Variants in EPPK1 observed in about 807,000 individuals in gnomAD.
EPPK1 encodes the protein epiplakin 1.
For missense variants in EPPK1, 3,823 were observed against 3,673.3 expected, an observed-to-expected ratio of 1.04 and a Z score of -1.05; for synonymous variants, 1,862 against 1,721.2, an observed-to-expected ratio of 1.08 and a Z score of -2.03.
Position 143,866,351 on chromosome 8 carries a change from C to T in EPPK1, c.6903G>A (p.Leu2301=). The change falls in exon 2 of 2, where the codon CTG becomes CTA. Residue 2301 remains leucine (L), a synonymous_variant. Transcript: ENST00000615648. ...VVGGEIQEKL[L]SAERAVTGYT... is the part of the protein sequence containing the mutation. The stretch of plus-strand genomic sequence containing the variant: ...AGCCGGTGACGGCGCGCTCGGCCGA[C>T]AGCAGCTTCTCCTGGATCTCGCCGC... The T allele has an allele frequency of 1.4e-6, 1 of 695,558 alleles. No homozygotes were observed. Among genetic ancestry groups the T allele is most frequent in the Non-Finnish European group, 2.2e-6 (1 of 449,174 alleles). The allele number at this position is 695,558 out of a possible 1,614,324, so 43.1% of individuals were successfully genotyped here. A position where few individuals can be genotyped will look rare whatever the true frequency, so the allele number is the denominator to read the frequency against.
rs781972898 is a variant in EPPK1 at position 143,867,998 on chromosome 8, C to T, written c.5256G>A (p.Thr1752=). The T allele has an allele frequency of 3.0e-5, 48 of 1,613,554 alleles. No individual in the cohort carries two copies. The highest frequency in any genetic ancestry group is 1.9e-4 in the African/African-American group (14 of 74,918). Residue 1752 remains threonine (T), a synonymous_variant, in exon 2 of 2, where the codon ACG becomes ACA. Coordinates refer to ENST00000615648, the MANE Select transcript of EPPK1 (RefSeq NM_031308.4). ...TTATGATTTGTAGCAGGTACAGGCC[C>T]GTCTCGGGGTCCTCCACACAGCGCT... is the stretch of plus-strand genomic sequence containing the variant. ...LLERCVEDPE[T]GLYLLQIIKK...
chr8:143,876,200 G>T (rs1387237780), intron 1 of EPPK1, among the ~76,000 whole-genome samples: 1 of 152,196 alleles, frequency 6.6e-6, no homozygotes, highest in Non-Finnish European at 1.5e-5. Flanking sequence ...CAGACAGGGT[G>T]CAGGGACCTG....
Position 143,872,196 on chromosome 8 carries a change from T to G in EPPK1, c.1058A>C (p.His353Pro). Reference sequence around the variant, plus strand: ...CTGCTCGGCCACCAGGAGCTGCTCATGGAGCTCTGGGCTGACCAGGCCCGC... The same window carrying G: ...CTGCTCGGCCACCAGGAGCTGCTCAGGGAGCTCTGGGCTGACCAGGCCCGC... ...VRAGLVSPEL[H>P]EQLLVAEQAV... Residue 353 changes from histidine to proline, a missense_variant, in exon 2 of 2, where the codon CAT becomes CCT. Transcript: ENST00000615648. The G allele has an allele frequency of 6.2e-7, 1 of 1,602,372 alleles. No individual in the cohort carries two copies. The highest frequency in any genetic ancestry group is 8.5e-7 in the Non-Finnish European group (1 of 1,174,788).
At chr8:143,876,486 T>C (rs1407382076) in intron 1 of EPPK1, among the ~76,000 whole-genome samples, 3 of 152,136 alleles carry the variant, frequency 2.0e-5, no homozygotes, top group African/African-American at 7.2e-5. Flanking sequence ...GGGGGGTACA[T>C]GAGACGGCAG....
At chr8:143,879,191 T>A (rs1351352734), upstream of EPPK1, among the ~76,000 whole-genome samples, 5 of 152,152 alleles carry the variant, frequency 3.3e-5, no homozygotes, top group Non-Finnish European at 7.4e-5. Context: ...TCCATGGATC[T>A]TCTGGAGGGC....
chr8:143,868,103 G>C lies in EPPK1; in HGVS notation c.5151C>G (p.Ile1717Met). The C allele has an allele frequency of 6.2e-7, 1 of 1,613,378 alleles. No homozygotes were observed. The highest frequency in any genetic ancestry group is 1.1e-5 in the South Asian group (1 of 91,082). The change falls in exon 2 of 2, where the codon ATC becomes ATG. Residue 1717 changes from isoleucine (I) to methionine (M), a missense_variant. Transcript: ENST00000615648. ...TGGTGTCGTCGCTGGGGTCCGCCAG[G>C]ATGCGGTTCATCTCCTCGTCGAAGT... ...CGYFDEEMNRILADPSDDTKG... is the reference protein window; with the variant it reads ...CGYFDEEMNRMLADPSDDTKG...
intron 1 of EPPK1, among the ~76,000 whole-genome samples, chr8:143,874,690 C>T (rs1819447144): frequency 6.6e-6 from 1 of 152,206 alleles, no homozygotes; most frequent in African/African-American, 2.4e-5. Flanking sequence ...TTCTGCACCC[C>T]TGTGCCCACC....
rs2130590016 is a variant in EPPK1, at chr8:143,857,809, T to C, written c.*178A>G. The C allele has an allele frequency of 1.9e-6, 1 of 527,212 alleles. No homozygotes were observed. The highest frequency in any genetic ancestry group is 3.2e-5 in the East Asian group (1 of 31,652). The allele number at this position is 527,212 out of a possible 1,614,324, so 32.7% of individuals were successfully genotyped here. ...CCAAAAAACTTATGAAACACCTCGATGGACAAAGGAAAAGTTTCTGTCACA... is the reference window on the plus strand; with the variant it reads ...CCAAAAAACTTATGAAACACCTCGACGGACAAAGGAAAAGTTTCTGTCACA... On this transcript the variant is annotated 3_prime_UTR_variant, in exon 2 of 2. Coordinates refer to ENST00000615648, the MANE Select transcript of EPPK1 (RefSeq NM_031308.4).
Position 143,869,558 on chromosome 8 carries a change from G to C in EPPK1, c.3696C>G (p.Val1232=). 6.4e-7 allele frequency: 1 copy of C among 1,559,156 alleles called. No homozygotes were observed. The highest frequency in any genetic ancestry group is 1.2e-5 in the South Asian group (1 of 86,100). ...AGGCCTTCACCGCCGGCTGCTCGGC[G>C]ACCTGGGCGGGCGACTGCGTGCCCT... ...LAQGTQSPAQ[V]AEQPAVKACL... is the part of the protein sequence containing the mutation. The change falls in exon 2 of 2, where the codon GTC becomes GTG. Residue 1232 remains valine, a synonymous_variant. Transcript: ENST00000615648.
chr8:143,871,669 G>C lies in EPPK1; in HGVS notation c.1585C>G (p.Gln529Glu), dbSNP rs781843985. 6.2e-7 allele frequency: 1 copy of C among 1,603,100 alleles called. No individual in the cohort carries two copies. The highest frequency in any genetic ancestry group is 8.5e-7 in the Non-Finnish European group (1 of 1,176,566). ...ISSEQRAMLA[Q>E]QYQEGTLSVE... ...GAGAGGGTCCCTTCCTGGTACTGCT[G>C]GGCCAGCATCGCCCTCTGCTCTGAG... is the stretch of plus-strand genomic sequence containing the variant. The change falls in exon 2 of 2, where the codon CAG (glutamine) becomes GAG (glutamate). Residue 529 changes from glutamine to glutamate, a missense_variant. Gln to Glu is a conservative substitution (Grantham distance 29, BLOSUM62 2). Transcript: ENST00000615648.
Position 143,872,938 on chromosome 8 carries a change from GC to G in EPPK1, c.315del (p.Leu106TrpfsTer3), listed in dbSNP as rs781831326. ...VSKALQQGLV[G>X]LELKEKLLAA... ...GCCAGCAGCTTCTCCTTCAGCTCCA[GC>G]CCCACCAGACCCTGCTGCAGGGCCT... On this transcript the variant is annotated frameshift_variant, in exon 2 of 2. Transcript: ENST00000615648. LOFTEE classifies it low-confidence loss of function (END_TRUNC). 46 of 1,610,332 alleles carry G rather than the reference GC, an allele frequency of 2.9e-5. No homozygotes were observed. The East Asian group carries it at 9.1e-4, about 32-fold the overall frequency.
At chr8:143,874,171 C>T (rs570137799) in intron 1 of EPPK1, among the ~76,000 whole-genome samples, 23 of 152,332 alleles carry the variant, frequency 1.5e-4, no homozygotes, top group Non-Finnish European at 2.9e-4. Context: ...GCATGCCCTG[C>T]GCCAACCCCT....
rs1449856625 is a variant in EPPK1, at chr8:143,866,428, C to T, written c.6826G>A (p.Val2276Met). ...TCCACCGACAGCCTCAGGTTGCGCA[C>T]GGGGTCGATGACGAAGCCGGTGGCC... is the stretch of plus-strand genomic sequence containing the variant. ...QAATGFVIDPVRNLRLSVEEA... is the reference protein window; with the variant it reads ...QAATGFVIDPMRNLRLSVEEA... The change falls in exon 2 of 2, where the codon GTG becomes ATG. Residue 2276 changes from valine to methionine, a missense_variant. Val to Met is a conservative substitution (Grantham distance 21). Transcript: ENST00000615648. 1.4e-4 allele frequency: 173 copies of T among 1,272,948 alleles called. No homozygotes were observed. Among genetic ancestry groups the T allele is most frequent in the Non-Finnish European group, 1.5e-4 (143 of 947,092 alleles). 78.9% of individuals were successfully genotyped at this position (1,272,948 alleles called of 1,614,324 possible).
Position 143,865,936 on chromosome 8 carries a change from C to T in EPPK1, c.7318G>A (p.Val2440Met). ...TGGAGGGCGCCCGAGCCTGGCGTCA[C>T]GCGGGCGTCGCGCAGGGCACAGCGC... is the stretch of plus-strand genomic sequence containing the variant. Reference protein sequence around the residue: ...ELRCALRDARVTPGSGALQGQ... With the variant: ...ELRCALRDARMTPGSGALQGQ... Residue 2440 changes from valine to methionine, a missense_variant, in exon 2 of 2, where the codon GTG becomes ATG. Transcript: ENST00000615648. 1 of 43,998 alleles carries T rather than the reference C, an allele frequency of 2.3e-5. No individual in the cohort carries two copies. The highest frequency in any genetic ancestry group is 2.7e-4 in the South Asian group (1 of 3,702). The allele number at this position is 43,998 out of a possible 1,614,324, so 2.7% of individuals were successfully genotyped here. A position where few individuals can be genotyped will look rare whatever the true frequency, so the allele number is the denominator to read the frequency against.
At position 143,873,268 on chromosome 8, in the gene EPPK1, T is replaced by A. The variant is rs1554661926; in HGVS notation, c.-15A>T. On this transcript the variant is annotated 5_prime_UTR_variant, in exon 2 of 2. Coordinates refer to ENST00000615648, the MANE Select transcript of EPPK1 (RefSeq NM_031308.4). Reference sequence around the variant, plus strand: ...TGGCCACTCATCACACACGGCTGGTTATGCAGAGCCTGCTGAGGTCCACCT... The same window carrying A: ...TGGCCACTCATCACACACGGCTGGTAATGCAGAGCCTGCTGAGGTCCACCT... The A allele has an allele frequency of 6.5e-7, 1 of 1,529,326 alleles. No homozygotes were observed. Among genetic ancestry groups the A allele is most frequent in the South Asian group, 1.3e-5 (1 of 76,208 alleles). 94.7% of individuals were successfully genotyped at this position (1,529,326 alleles called of 1,614,324 possible).
intron 1 of EPPK1, among the ~76,000 whole-genome samples, chr8:143,877,822 G>A (rs1256689752): frequency 2.0e-5 from 3 of 151,956 alleles, no homozygotes; most frequent in Non-Finnish European, 4.4e-5. Context: ...GCCCAGGGCA[G>A]GGAAGCAGAG....
chr8:143,866,754 G>A lies in EPPK1; in HGVS notation c.6500C>T (p.Thr2167Ile), dbSNP rs1165769025. The A allele has an allele frequency of 1.9e-6, 3 of 1,613,394 alleles. No homozygotes were observed. Among genetic ancestry groups the A allele is most frequent in the African/African-American group, 1.3e-5 (1 of 74,938 alleles). The change falls in exon 2 of 2, where the codon ACC (threonine) becomes ATC (isoleucine). Residue 2167 changes from threonine to isoleucine, a missense_variant. By Grantham distance (89) the Thr-to-Ile change is moderately conservative. Coordinates refer to ENST00000615648, the MANE Select transcript of EPPK1 (RefSeq NM_031308.4). ...TTGGAACCACAGGTGTTTGTTGCTG[G>A]TTTCCTGCTTCTCGATCAACTCTAA... The part of the protein sequence containing the change: ...LILELIEKQE[T>I]SNKHLWFQGI...
intron 1 of EPPK1, among the ~76,000 whole-genome samples, chr8:143,877,468 G>T (rs1407358890): frequency 5.9e-5 from 9 of 152,168 alleles, no homozygotes; most frequent in African/African-American, 2.2e-4. Context: ...GGCACAAAGG[G>T]CCCCTCCTGT....
At chr8:143,877,749 G>T (rs1333832202) in intron 1 of EPPK1, among the ~76,000 whole-genome samples, 1 of 152,100 alleles carries the variant, frequency 6.6e-6, no homozygotes, top group Admixed American at 6.5e-5. Context: ...CCACCCACCT[G>T]CAACCTGCAC....
Sources: allele counts gnomAD v4.1 joint callset (sites outside exome capture counted in the v4.1 genomes callset), GRCh38; gene constraint gnomAD v4.1.1; transcripts MANE v1.5; gene names NCBI Gene and HGNC (gene_info 2026-07-23, HGNC 2026-07-21).